The following NPHP1 variants were observed in gnomAD, a reference collection of about 807,000 sequenced individuals.
The protein encoded by NPHP1 is nephrocystin 1, also known as nephrocystin-1.
In NPHP1, 70 loss-of-function variants were observed where a neutral mutation model predicts 90.4. That is an observed-to-expected ratio of 0.77 (90% CI 0.64 to 0.95). The LOEUF (loss-of-function observed/expected upper bound fraction) is 0.95. Ranked by LOEUF, NPHP1 falls within the 40% of genes least tolerant of loss-of-function variation. The pLI, the probability that NPHP1 is intolerant of heterozygous loss-of-function variation, is 0.00. For synonymous variants in NPHP1, 256 were observed against 271.7 expected (o/e 0.94, Z 0.57); for missense variants, 764 against 795.9 (o/e 0.96, Z 0.48).
At chr2:110,154,625 C>G (rs187391611) in intron 11 of NPHP1, among the ~76,000 whole-genome samples, 1 of 152,182 alleles carries the variant, frequency 6.6e-6, no homozygotes, top group African/African-American at 2.4e-5. Context: ...TTGTTGGGCA[C>G]TGGAGAAAAG....
intron 4 of NPHP1, among the ~76,000 whole-genome samples, chr2:110,177,848 C>T (rs115536539): frequency 0.03 from 4,484 of 151,908 alleles, 123 homozygotes; most frequent in Non-Finnish European, 0.043. Flanking sequence ...CTCAAGCAAT[C>T]CTCCTTGCCT....
chr2:110,173,235 C>A (rs747688802), intron 4 of NPHP1, among the ~76,000 whole-genome samples: 2 of 152,064 alleles, frequency 1.3e-5, no homozygotes, highest in Non-Finnish European at 2.9e-5. Context: ...CCGCACCTGG[C>A]CACATGCAGT....
At chr2:110,155,564 A>C (rs1559067556) in intron 11 of NPHP1, among the ~76,000 whole-genome samples, 1 of 152,282 alleles carries the variant, frequency 6.6e-6, no homozygotes, top group East Asian at 1.9e-4. Flanking sequence ...TGAGCTGCCC[A>C]AGACCATGTG....
intron 8 of NPHP1, chr2:110,164,485 T>C (rs1233471002): frequency 4.3e-6 from 4 of 922,388 alleles, no homozygotes; most frequent in Non-Finnish European, 6.9e-6. Context: ...ATTCTTTTTG[T>C]ACAAAAAAAA....
At chr2:110,161,564 T>C in intron 10 of NPHP1, 39 bp downstream of exon 10, 1 of 1,324,286 alleles carries the variant, frequency 7.6e-7, no homozygotes, top group Non-Finnish European at 1.1e-6. Context: ...TGACAAAATC[T>C]GGAAGAGTTA....
chr2:110,188,650 GAAAAA>G (rs1684458554), intron 2 of NPHP1, among the ~76,000 whole-genome samples: 1 of 151,864 alleles, frequency 6.6e-6, no homozygotes, highest in African/African-American at 2.4e-5. Context: ...CACAGAATTA[GAAAAA>G]GCTATTTTAA....
rs2104562717 is a variant in NPHP1 at position 110,165,269 on chromosome 2, TAAAAACAA to T, written c.625-122_625-115del. The T allele has an allele frequency of 4.8e-6, 4 of 833,186 alleles. No homozygotes were observed. The Admixed American group carries it at 6.4e-5, about 13-fold the overall frequency. The allele number at this position is 833,186 out of a possible 1,614,324, so 51.6% of individuals were successfully genotyped here. On this transcript the variant is annotated intron_variant, in intron 6 of 19. Transcript: ENST00000445609. ...AAAAACAAAAACAAGCTTTTCTGTT[TAAAAACAA>T]AAAAACAAAAGCATCAGTACTTTCA... is the stretch of plus-strand genomic sequence containing the variant.
At chr2:110,141,069 C>T (rs1041157781) in intron 16 of NPHP1, among the ~76,000 whole-genome samples, 8 of 152,144 alleles carry the variant, frequency 5.3e-5, no homozygotes, top group Non-Finnish European at 8.8e-5. Flanking sequence ...CTGTCCCATG[C>T]CATGCTCTTC....
intron 11 of NPHP1, among the ~76,000 whole-genome samples, chr2:110,159,343 T>C (rs192165293): frequency 1.3e-5 from 2 of 152,158 alleles, no homozygotes; most frequent in East Asian, 1.9e-4. Context: ...GAAGAATTTG[T>C]ATAAGATTGG....
chr2:110,184,201 CA>C, intron 2 of NPHP1: 1 of 567,426 alleles, frequency 1.8e-6, no homozygotes, highest in Non-Finnish European at 3.5e-6. Context: ...CGTATCATGG[CA>C]GGAGCCCTTG....
intron 10 of NPHP1, among the ~76,000 whole-genome samples, chr2:110,160,566 C>T (rs770972169): frequency 5.3e-5 from 8 of 152,090 alleles, no homozygotes; most frequent in African/African-American, 1.4e-4. Context: ...ATTCCAGTCC[C>T]GGTTCACTCC....
intron 11 of NPHP1, among the ~76,000 whole-genome samples, chr2:110,156,070 TTTC>T (rs1681865427): frequency 9.1e-6 from 1 of 110,250 alleles, no homozygotes; most frequent in South Asian, 2.6e-4. Flanking sequence ...GAGGCAGGTC[TTTC>T]TTTTTTTTTT....
intron 15 of NPHP1, 88 bp downstream of exon 15, chr2:110,144,405 C>A: frequency 1.2e-6 from 1 of 829,312 alleles, no homozygotes; most frequent in Non-Finnish European, 2.1e-6. Flanking sequence ...AAGTAAAAAA[C>A]GCTATGCTTA....
Position 110,184,865 on chromosome 2 carries a change from A to T in NPHP1, c.144-5181T>A, listed in dbSNP as rs533070620. The T allele has an allele frequency of 5.7e-6, 4 of 699,632 alleles. No homozygotes were observed. In the African/African-American group the frequency reaches 7.0e-5, roughly 12 times the overall value. The allele number at this position is 699,632 out of a possible 1,614,324, so 43.3% of individuals were successfully genotyped here. ...ATTCCGGGCCCCTGAGCTGCTCTTC[A>T]GGCCAGACTTGATCAGGGAGGAGAG... On this transcript the variant is annotated intron_variant, in intron 2 of 19. Transcript: ENST00000445609.
chr2:110,143,225 A>G (rs1680777608), intron 16 of NPHP1, among the ~76,000 whole-genome samples: 1 of 152,216 alleles, frequency 6.6e-6, no homozygotes. Flanking sequence ...CATGTAAATT[A>G]TATCTCAATA....
At chr2:110,160,850 G>A (rs1396366984) in intron 10 of NPHP1, among the ~76,000 whole-genome samples, 3 of 151,816 alleles carry the variant, frequency 2.0e-5, no homozygotes, top group Admixed American at 6.6e-5. Flanking sequence ...TCTGCTTTAC[G>A]GTCATAAGCC....
rs773810185 is a variant in NPHP1, at chr2:110,147,920, C to A, written c.1265G>T (p.Arg422Leu). The A allele has an allele frequency of 8.4e-6, 13 of 1,542,812 alleles. No individual in the cohort carries two copies. The highest frequency in any genetic ancestry group is 7.8e-5 in the South Asian group (7 of 89,680). The change falls in exon 13 of 20, where the codon CGC becomes CTC. Residue 422 changes from arginine (R) to leucine (L), a missense_variant. Arg to Leu is a moderately radical substitution (Grantham distance 102, BLOSUM62 -2). Transcript: ENST00000445609. ...ILFELGISYI[R>L]NSTGERGELS... ...CTTATCTTTCAACGGACATACATTG[C>A]GAATATAAGAAATTCCAAGTTCAAA...
intron 6 of NPHP1, 45 bp downstream of exon 6, chr2:110,168,407 A>C: frequency 8.6e-7 from 1 of 1,161,714 alleles, no homozygotes; most frequent in Middle Eastern, 2.0e-4. Context: ...TTAAAAGCGA[A>C]AAAAAAAAAA....
Position 110,147,907 on chromosome 2 carries a change from C to A in NPHP1, c.1269+9G>T, listed in dbSNP as rs13414551. 3 of 1,437,682 alleles carry A rather than the reference C, an allele frequency of 2.1e-6. No individual in the cohort carries two copies. Among genetic ancestry groups the A allele is most frequent in the East Asian group, 2.3e-5 (1 of 44,076 alleles). 89.1% of individuals were successfully genotyped at this position (1,437,682 alleles called of 1,614,324 possible). On this transcript the variant is annotated intron_variant, in intron 13 of 19. Coordinates refer to ENST00000445609, the MANE Select transcript of NPHP1 (RefSeq NM_001128178.3). ...TACATTAGAAAGCCTTATCTTTCAA[C>A]GGACATACATTGCGAATATAAGAAA...
Sources: gnomAD v4.1 joint callset for allele counts (sites outside exome capture counted in the v4.1 genomes callset) on GRCh38, gnomAD v4.1.1 for gene constraint, MANE v1.5 for transcripts, NCBI Gene and HGNC (gene_info 2026-07-23, HGNC 2026-07-21) for gene names.